The following ERAP1 variants were observed in gnomAD, a reference collection of about 807,000 sequenced individuals.
ERAP1 encodes the protein endoplasmic reticulum aminopeptidase 1.
Under a neutral mutation model 103.7 loss-of-function variants are expected in ERAP1, and 86 were observed. The observed-to-expected ratio is 0.83, with a 90% confidence interval of 0.70 to 0.99. The LOEUF is 0.99. Among genes scored for constraint, ERAP1 ranks in the 50% least tolerant of loss-of-function variants. The pLI, the probability that ERAP1 is intolerant of heterozygous loss-of-function variation, is 0.00. For missense variants in ERAP1, 1,009 were observed against 1,128.4 expected (o/e 0.89, Z 1.52); for synonymous variants, 398 against 402.4 (o/e 0.99, Z 0.13).
chr5:96,886,503 A>C, the ERAP1 span: 1 of 467,938 alleles, frequency 2.1e-6, no homozygotes. Flanking sequence ...GAGAGGCTAC[A>C]GAATACTAGG....
upstream of ERAP1, among the ~76,000 whole-genome samples, chr5:96,808,597 C>G (rs1778956307): frequency 3.3e-5 from 5 of 152,124 alleles, no homozygotes; most frequent in South Asian, 1.0e-3. Context: ...AGGTGGCCCC[C>G]AGGACTTTCC....
the ERAP1 span, among the ~76,000 whole-genome samples, chr5:96,841,876 G>T: frequency 6.8e-6 from 1 of 146,532 alleles, no homozygotes; most frequent in Non-Finnish European, 1.5e-5. Flanking sequence ...TTGAGATTTT[G>T]GTGCACCCGT....
intron 8 of ERAP1, 22 bp downstream of exon 8, chr5:96,792,039 C>T (rs1776784049): frequency 1.9e-6 from 3 of 1,613,350 alleles, no homozygotes; most frequent in Non-Finnish European, 2.5e-6. Context: ...AAACTGTATC[C>T]TTATACTCAA....
the ERAP1 span, chr5:96,880,019 A>C: frequency 1.9e-6 from 3 of 1,614,186 alleles, no homozygotes; most frequent in Non-Finnish European, 2.5e-6. Flanking sequence ...CATCTTGCAC[A>C]GCAAAGATCT....
chr5:96,931,925 A>G, the ERAP1 span, among the ~76,000 whole-genome samples: 2 of 152,214 alleles, frequency 1.3e-5, no homozygotes, highest in African/African-American at 2.4e-5. Flanking sequence ...GAAATGATAA[A>G]TGTCTGTATC....
chr5:96,910,234 C>T, the ERAP1 span: 1 of 146,286 alleles, frequency 6.8e-6, no homozygotes, highest in Non-Finnish European at 1.5e-5. Context: ...CACTGCACTG[C>T]AGTCTGGGCA....
the ERAP1 span, among the ~76,000 whole-genome samples, chr5:96,837,998 T>C: frequency 6.6e-6 from 1 of 151,162 alleles, no homozygotes; most frequent in Admixed American, 6.6e-5. Flanking sequence ...CTTCTCCTCT[T>C]CTCCTCTTCT....
the ERAP1 span, among the ~76,000 whole-genome samples, chr5:96,907,815 A>G: frequency 1.3e-5 from 2 of 151,992 alleles, no homozygotes; most frequent in Admixed American, 6.6e-5. Context: ...CCCAGGAGGC[A>G]GAGGTTGCAG....
chr5:96,826,372 T>A, the ERAP1 span, among the ~76,000 whole-genome samples: 1 of 152,208 alleles, frequency 6.6e-6, no homozygotes, highest in Non-Finnish European at 1.5e-5. Flanking sequence ...AGAGAATTTC[T>A]GAAAGCTTCA....
the ERAP1 span, chr5:96,900,131 A>C: frequency 6.2e-6 from 10 of 1,613,744 alleles, no homozygotes; most frequent in African/African-American, 1.1e-4. Flanking sequence ...AGTTGTTTAG[A>C]AAGTGATTTT....
At position 96,776,124 on chromosome 5, in the gene ERAP1, G is replaced by C; in HGVS notation, c.*272C>G. On this transcript the variant is annotated 3_prime_UTR_variant, in exon 19 of 19. Transcript: ENST00000443439. Reference sequence around the variant, plus strand: ...GGTGCTTAAGCATAAACTATAAAATGAGAAGAATAAGGTACTTTATTCTTC... The same window carrying C: ...GGTGCTTAAGCATAAACTATAAAATCAGAAGAATAAGGTACTTTATTCTTC... The C allele has an allele frequency of 1.4e-6, 2 of 1,411,566 alleles. No homozygotes were observed. Among genetic ancestry groups the C allele is most frequent in the Non-Finnish European group, 1.9e-6 (2 of 1,068,698 alleles). The allele number at this position is 1,411,566 out of a possible 1,614,324, so 87.4% of individuals were successfully genotyped here. A position where few individuals can be genotyped will look rare whatever the true frequency, so the allele number is the denominator to read the frequency against.
chr5:96,774,397 TAAC>T (rs1483105264), downstream of ERAP1: 2 of 475,398 alleles, frequency 4.2e-6, no homozygotes, highest in Non-Finnish European at 5.5e-6. Flanking sequence ...TGTTTGTTAA[TAAC>T]TAATAACTGG....
the ERAP1 span, among the ~76,000 whole-genome samples, chr5:96,815,141 C>T: frequency 5.9e-5 from 9 of 152,156 alleles, no homozygotes; most frequent in Non-Finnish European, 1.2e-4. Context: ...CAAAATTAAA[C>T]TTCAGTTAAA....
chr5:96,928,594 C>A, the ERAP1 span, among the ~76,000 whole-genome samples: 5 of 152,174 alleles, frequency 3.3e-5, no homozygotes, highest in South Asian at 1.0e-3. Flanking sequence ...CCTACCAACA[C>A]CTTGATATTG....
intron 17 of ERAP1, 84 bp downstream of exon 17, chr5:96,780,974 A>G: frequency 6.7e-7 from 1 of 1,494,752 alleles, no homozygotes; most frequent in African/African-American, 1.4e-5. Context: ...TTAGACTGTT[A>G]CTGTTCTTTT....
At chr5:96,798,851 C>G (rs1777650859) in intron 3 of ERAP1, among the ~76,000 whole-genome samples, 1 of 149,208 alleles carries the variant, frequency 6.7e-6, no homozygotes, top group African/African-American at 2.5e-5. Flanking sequence ...CTGCTTCTGC[C>G]TACCTACAAC....
the ERAP1 span, among the ~76,000 whole-genome samples, chr5:96,829,548 G>A: frequency 1.3e-5 from 2 of 152,216 alleles, no homozygotes; most frequent in Admixed American, 6.5e-5. Context: ...TTTAGAGTCT[G>A]TGAATCCAGA....
the ERAP1 span, among the ~76,000 whole-genome samples, chr5:96,873,091 A>G: frequency 6.6e-6 from 1 of 152,212 alleles, no homozygotes; most frequent in African/African-American, 2.4e-5. Context: ...TGGGAGGCTG[A>G]GGCACAAGAA....
chr5:96,847,131 C>G, the ERAP1 span, among the ~76,000 whole-genome samples: 1 of 151,166 alleles, frequency 6.6e-6, no homozygotes, highest in Non-Finnish European at 1.5e-5. Flanking sequence ...ACCTGTAATC[C>G]CAGCTACTTG....
Sources: allele counts gnomAD v4.1 joint callset (sites outside exome capture counted in the v4.1 genomes callset), GRCh38; gene constraint gnomAD v4.1.1; transcripts MANE v1.5; gene names NCBI Gene and HGNC (gene_info 2026-07-23, HGNC 2026-07-21).